FAM227B: variants seen among roughly 807,000 people sequenced by gnomAD.
The protein encoded by FAM227B is family with sequence similarity 227 member B.
Under a neutral mutation model 73.8 loss-of-function variants are expected in FAM227B, and 88 were observed. That is an observed-to-expected ratio of 1.19 (90% CI 1.00 to 1.42). The LOEUF (loss-of-function observed/expected upper bound fraction) is 1.42. Ranked by LOEUF, FAM227B falls within the 40% of genes most tolerant of loss-of-function variation. FAM227B has a pLI of 0.00. For synonymous variants in FAM227B, 210 were observed against 190.5 expected, an observed-to-expected ratio of 1.10 and a Z score of -0.84; for missense variants, 632 against 590.9, an observed-to-expected ratio of 1.07 and a Z score of -0.72.
At chr15:49,516,071 T>C (rs570195529) in intron 10 of FAM227B, among the ~76,000 whole-genome samples, 2 of 152,136 alleles carry the variant, frequency 1.3e-5, no homozygotes, top group Non-Finnish European at 2.9e-5. Flanking sequence ...TTCTTTCTTG[T>C]AGGTAAATCA....
chr15:49,501,436 G>T lies in FAM227B; in HGVS notation c.1012+6775C>A, dbSNP rs1771285155. Among the ~76,000 whole-genome samples the T allele has an allele frequency of 2.0e-5, 3 of 152,200 alleles. No individual in the cohort carries two copies. In the South Asian group the frequency reaches 6.2e-4, roughly 32 times the overall value. ...GGCTGCATTGTTTCCCTGCCCTAGG[G>T]ATCTGTGAAAGCTTGAACTTCAGAG... On this transcript the variant is annotated intron_variant, in intron 11 of 15. Transcript: ENST00000299338.
At chr15:49,524,013 G>A (rs1421565376) in intron 10 of FAM227B, among the ~76,000 whole-genome samples, 4 of 151,194 alleles carry the variant, frequency 2.6e-5, no homozygotes, top group Non-Finnish European at 4.4e-5. Context: ...GGGAAACAGA[G>A]CACAAAAGAT....
At chr15:49,386,650 C>A (rs972462484) in intron 11 of FAM227B, among the ~76,000 whole-genome samples, 1 of 151,660 alleles carries the variant, frequency 6.6e-6, no homozygotes, top group Non-Finnish European at 1.5e-5. Flanking sequence ...TAACACAGAT[C>A]AGAGCAGAAC....
At chr15:49,599,713 T>C (rs1460708751) in intron 3 of FAM227B, among the ~76,000 whole-genome samples, 1 of 152,194 alleles carries the variant, frequency 6.6e-6, no homozygotes, top group African/African-American at 2.4e-5. Context: ...TTTTGTTCAA[T>C]TTCCAGTTCT....
chr15:49,558,933 G>A lies in FAM227B; in HGVS notation c.747+9312C>T, dbSNP rs536560347. Among the ~76,000 whole-genome samples, 138 of 147,298 alleles carry A rather than the reference G, an allele frequency of 9.4e-4. 5 individuals carry two copies. The South Asian group carries it at 0.03, about 32-fold the overall frequency. On this transcript the variant is annotated intron_variant, in intron 9 of 15. Transcript: ENST00000299338. Reference sequence around the variant, plus strand: ...GTGGGCCCAAAGGTGGAGACCCCCCGCCCACCCACCATTTACAAGCAGCAG... The same window carrying A: ...GTGGGCCCAAAGGTGGAGACCCCCCACCCACCCACCATTTACAAGCAGCAG...
chr15:49,349,611 A>G (rs2041971755), intron 13 of FAM227B, among the ~76,000 whole-genome samples: 1 of 152,146 alleles, frequency 6.6e-6, no homozygotes, highest in South Asian at 2.1e-4. Context: ...AGGTTATTTT[A>G]GGTATTTGAT....
intron 8 of FAM227B, 41 bp from the exon 9 acceptor site, chr15:49,568,387 A>C: frequency 4.7e-6 from 7 of 1,488,934 alleles, no homozygotes; most frequent in Non-Finnish European, 6.5e-6. Context: ...ATTACAATTT[A>C]AAACTGGAAT....
chr15:49,567,708 G>A (rs1379866071), intron 9 of FAM227B, among the ~76,000 whole-genome samples: 1 of 152,062 alleles, frequency 6.6e-6, no homozygotes, highest in East Asian at 1.9e-4. Flanking sequence ...AAAACACCCA[G>A]TGAGATTCCT....
chr15:49,356,086 G>A (rs1313298529), intron 13 of FAM227B, among the ~76,000 whole-genome samples: 1 of 151,924 alleles, frequency 6.6e-6, no homozygotes, highest in Non-Finnish European at 1.5e-5. Flanking sequence ...AGCTCCTGAA[G>A]GAAGCACTAA....
intron 11 of FAM227B, among the ~76,000 whole-genome samples, chr15:49,451,891 G>C (rs75474850): frequency 6.6e-6 from 1 of 152,064 alleles, no homozygotes; most frequent in Non-Finnish European, 1.5e-5. Flanking sequence ...TTTACATGCG[G>C]TTCTTCCAGT....
intron 1 of FAM227B, 80 bp from the exon 2 acceptor site, chr15:49,615,323 T>C (rs1264142454): frequency 1.5e-6 from 1 of 687,292 alleles, no homozygotes; most frequent in Non-Finnish European, 2.6e-6. Context: ...CAAACCTCAC[T>C]TCTGACTTTT....
At chr15:49,493,704 C>T (rs1160064752) in intron 11 of FAM227B, among the ~76,000 whole-genome samples, 1 of 151,456 alleles carries the variant, frequency 6.6e-6, no homozygotes, top group Non-Finnish European at 1.5e-5. Context: ...TCTATCCATC[C>T]ATCTACACTT....
intron 8 of FAM227B, among the ~76,000 whole-genome samples, chr15:49,572,010 A>G (rs902464537): frequency 1.7e-4 from 26 of 151,896 alleles, no homozygotes; most frequent in Non-Finnish European, 3.8e-4. Context: ...TATTTGTGTC[A>G]TTTTCAATTT....
intron 3 of FAM227B, among the ~76,000 whole-genome samples, chr15:49,597,001 T>C (rs746662052): frequency 5.3e-5 from 8 of 151,852 alleles, no homozygotes; most frequent in Non-Finnish European, 8.8e-5. Context: ...AAAAATGAGA[T>C]AGATGGGAAC....
At chr15:49,428,219 A>C (rs1260778352) in intron 11 of FAM227B, among the ~76,000 whole-genome samples, 1 of 151,946 alleles carries the variant, frequency 6.6e-6, no homozygotes, top group Non-Finnish European at 1.5e-5. Context: ...GGAGGCAGAA[A>C]GTCTCTCCCC....
intron 11 of FAM227B, among the ~76,000 whole-genome samples, chr15:49,395,511 G>A (rs1305969751): frequency 2.0e-5 from 3 of 152,184 alleles, no homozygotes; most frequent in Admixed American, 1.3e-4. Flanking sequence ...GAGTACTGCT[G>A]AGAATCAGGG....
At chr15:49,416,780 C>CACAG (rs898550827) in intron 11 of FAM227B, among the ~76,000 whole-genome samples, 8 of 81,758 alleles carry the variant, frequency 9.8e-5, no homozygotes, top group Admixed American at 7.3e-4. Context: ...TAGACACACA[C>CACAG]ACACACACAC....
intron 8 of FAM227B, among the ~76,000 whole-genome samples, chr15:49,571,992 T>C (rs2075137812): frequency 6.6e-6 from 1 of 152,072 alleles, no homozygotes; most frequent in South Asian, 2.1e-4. Context: ...ACAGGATATC[T>C]TTCCATTTAT....
At chr15:49,574,535 A>C (rs372515625) in intron 8 of FAM227B, among the ~76,000 whole-genome samples, 1 of 152,100 alleles carries the variant, frequency 6.6e-6, no homozygotes, top group Non-Finnish European at 1.5e-5. Context: ...TTTGCCTTCC[A>C]CCATGATTGT....
Sources: allele counts gnomAD v4.1 joint callset (sites outside exome capture counted in the v4.1 genomes callset), GRCh38; gene constraint gnomAD v4.1.1; transcripts MANE v1.5; gene names NCBI Gene and HGNC (gene_info 2026-07-23, HGNC 2026-07-21).